The following ARHGAP20 variants were observed in gnomAD, a reference collection of about 807,000 sequenced individuals.
ARHGAP20 encodes rho GTPase-activating protein 20.
Under a neutral mutation model 73.7 loss-of-function variants are expected in ARHGAP20, and 34 were observed. The ratio of observed to expected loss-of-function variants is 0.46; its 90% CI spans 0.35 to 0.61. ARHGAP20 has a LOEUF of 0.61. Ranked by LOEUF, ARHGAP20 falls within the 20% of genes least tolerant of loss-of-function variation. ARHGAP20 has a pLI of 0.00. For synonymous variants in ARHGAP20, 523 were observed against 518.2 expected (o/e 1.01, Z -0.13); for missense variants, 1,314 against 1,420.9 (o/e 0.92, Z 1.21).
intron 1 of ARHGAP20, among the ~76,000 whole-genome samples, chr11:110,708,418 C>T: frequency 6.6e-6 from 1 of 151,260 alleles, no homozygotes; most frequent in Non-Finnish European, 1.5e-5. Flanking sequence ...AAATGAAGTC[C>T]ATGCAAAGAC....
intron 2 of ARHGAP20, among the ~76,000 whole-genome samples, chr11:110,642,355 TG>T (rs1949095133): frequency 6.6e-6 from 1 of 152,148 alleles, no homozygotes; most frequent in African/African-American, 2.4e-5. Flanking sequence ...TGGGCATTCT[TG>T]TCTTGTTCCG....
chr11:110,614,506 T>A (rs1235460012), intron 6 of ARHGAP20, 55 bp downstream of exon 6: 11 of 1,470,404 alleles, frequency 7.5e-6, no homozygotes, highest in Non-Finnish European at 9.5e-6. Context: ...TTATCCGTAG[T>A]GTTCTGTCTT....
At chr11:110,615,701 T>C in intron 4 of ARHGAP20, 107 bp from the exon 5 acceptor site, 2 of 1,003,414 alleles carry the variant, frequency 2.0e-6, no homozygotes, top group South Asian at 2.9e-5. Context: ...CTGTTGTTAC[T>C]AATACAGTTG....
At chr11:110,647,098 C>A (rs1367294766) in intron 2 of ARHGAP20, among the ~76,000 whole-genome samples, 9 of 151,760 alleles carry the variant, frequency 5.9e-5, no homozygotes, top group African/African-American at 2.2e-4. Context: ...TAGTAAGAAG[C>A]AGTTTTATTC....
chr11:110,629,572 A>G (rs906606617), intron 3 of ARHGAP20, among the ~76,000 whole-genome samples: 122 of 152,284 alleles, frequency 8.0e-4, no homozygotes, highest in African/African-American at 2.6e-3. Flanking sequence ...CTCCAAAACT[A>G]TATCTGTAGG....
chr11:110,643,604 A>G (rs193295212), intron 2 of ARHGAP20, among the ~76,000 whole-genome samples: 3 of 151,944 alleles, frequency 2.0e-5, no homozygotes, highest in Admixed American at 6.6e-5. Flanking sequence ...ACTGATTTCT[A>G]TTTTTATTGC....
chr11:110,579,913 G>T lies in ARHGAP20; in HGVS notation c.3033C>A (p.Ser1011Arg). The part of the protein sequence containing the change: ...MPGPSSGQAC[S>R]RPAYTKKDTM... ...TGTCCTTCTTTGTATAGGCTGGGCG[G>T]CTGCAAGCCTGCCCTGATGAGGGAC... The change falls in exon 15 of 15, where the codon AGC becomes AGA. Residue 1011 changes from serine (S) to arginine (R), a missense_variant. This residue lies in a region of ARHGAP20 where 641 missense variants were observed against 636.9 expected (regional missense o/e 1.01). Transcript: ENST00000683387. 6.2e-7 allele frequency: 1 copy of T among 1,614,240 alleles called. No individual in the cohort carries two copies. Among genetic ancestry groups the T allele is most frequent in the Non-Finnish European group, 8.5e-7 (1 of 1,180,052 alleles).
rs142137544 is a variant in ARHGAP20, at chr11:110,600,088, C to G, written c.964+6473G>C. Among the ~76,000 whole-genome samples, 106 of 152,364 alleles carry G rather than the reference C, an allele frequency of 7.0e-4. No homozygotes were observed. In the South Asian group the frequency reaches 0.014, roughly 20 times the overall value. On this transcript the variant is annotated intron_variant, in intron 9 of 14. Transcript: ENST00000683387. The stretch of plus-strand genomic sequence containing the variant: ...GCTCCTCTTCATCTTGCTAACCCTT[C>G]ACTTGTCTGTGTACCTCATTCTTCC...
chr11:110,701,610 G>T (rs369829777), intron 1 of ARHGAP20, among the ~76,000 whole-genome samples: 7 of 151,928 alleles, frequency 4.6e-5, no homozygotes, highest in Non-Finnish European at 7.4e-5. Context: ...GTCAATTTTG[G>T]CTTTTGTTGC....
chr11:110,628,529 T>TC (rs1948793733), intron 3 of ARHGAP20, among the ~76,000 whole-genome samples: 2 of 152,158 alleles, frequency 1.3e-5, no homozygotes, highest in Non-Finnish European at 2.9e-5. Flanking sequence ...ATAATAATAA[T>TC]AATCATCATC....
At chr11:110,600,880 GT>G (rs1423292639) in intron 9 of ARHGAP20, among the ~76,000 whole-genome samples, 3 of 152,156 alleles carry the variant, frequency 2.0e-5, no homozygotes, top group African/African-American at 7.2e-5. Context: ...ATGTATTGCT[GT>G]TATGTTTTCA....
At chr11:110,614,457 T>C (rs1948439159) in intron 6 of ARHGAP20, 104 bp downstream of exon 6, 3 of 1,023,812 alleles carry the variant, frequency 2.9e-6, no homozygotes, top group Non-Finnish European at 4.5e-6. Flanking sequence ...CCATAGCACA[T>C]ACACAGTTAG....
Position 110,690,533 on chromosome 11 carries a change from A to G in ARHGAP20, c.188+14T>C, listed in dbSNP as rs544418312. On this transcript the variant is annotated intron_variant, in intron 2 of 14. Coordinates refer to ENST00000683387, the MANE Select transcript of ARHGAP20 (RefSeq NM_001384657.1). ...AGCACATACTGAATGTGTAATACAA[A>G]GCTTTGCACTTACCTGGTAGTAGGC... The G allele has an allele frequency of 1.2e-6, 2 of 1,608,944 alleles. No individual in the cohort carries two copies. The highest frequency in any genetic ancestry group is 3.3e-5 in the Admixed American group (2 of 59,998).
At chr11:110,624,461 C>A in intron 3 of ARHGAP20, 150 bp from the exon 4 acceptor site, 5 of 517,734 alleles carry the variant, frequency 9.7e-6, no homozygotes, top group African/African-American at 2.0e-5. Flanking sequence ...GAGAGCTGAA[C>A]ATTGAGAACA....
chr11:110,580,226 A>C lies in ARHGAP20; in HGVS notation c.2720T>G (p.Ile907Ser), dbSNP rs575384145. Residue 907 changes from isoleucine (I) to serine (S), a missense_variant, in exon 15 of 15, where the codon ATT (isoleucine) becomes AGT (serine). Ile to Ser is a moderately radical substitution (Grantham distance 142). Coordinates refer to ENST00000683387, the MANE Select transcript of ARHGAP20 (RefSeq NM_001384657.1). The stretch of plus-strand genomic sequence containing the variant: ...TGTGGCACTACTCTTGCCCACCTCA[A>C]TCCCCATGACTAAACTCTGATTAAT... ...KLINQSLVMG[I>S]EVGKSSATNQ... is the part of the protein sequence containing the mutation. 2 of 1,614,190 alleles carry C rather than the reference A, an allele frequency of 1.2e-6. No homozygotes were observed. The highest frequency in any genetic ancestry group is 2.2e-5 in the East Asian group (1 of 44,880).
chr11:110,580,161 G>A lies in ARHGAP20; in HGVS notation c.2785C>T (p.Leu929Phe), dbSNP rs758915435. Residue 929 changes from leucine (L) to phenylalanine (F), a missense_variant, in exon 15 of 15, where the codon CTT becomes TTT. Physicochemically the swap from Leu to Phe is conservative, Grantham distance 22 (BLOSUM62 0). This residue lies in a region of ARHGAP20 where 641 missense variants were observed against 636.9 expected (regional missense o/e 1.01). Coordinates refer to ENST00000683387, the MANE Select transcript of ARHGAP20 (RefSeq NM_001384657.1). ...CTGGAATAGCTGGTCCTTGGGCAAA[G>A]GTTTAATCTTGGGGGTAAAACCTTC... ...TEKVLPPRLN[L>F]CPRTSYSSLS... The A allele has an allele frequency of 8.2e-5, 133 of 1,614,196 alleles. 1 individual carries two copies. In the South Asian group the frequency reaches 1.4e-3, roughly 17 times the overall value.
At chr11:110,628,983 G>A (rs1397955581) in intron 3 of ARHGAP20, among the ~76,000 whole-genome samples, 1 of 151,912 alleles carries the variant, frequency 6.6e-6, no homozygotes, top group East Asian at 1.9e-4. Context: ...ATAACCTCAG[G>A]TAAAAAAACA....
chr11:110,709,925 A>C (rs1950615531), intron 1 of ARHGAP20, among the ~76,000 whole-genome samples: 1 of 152,216 alleles, frequency 6.6e-6, no homozygotes, highest in South Asian at 2.1e-4. Flanking sequence ...GCAAGTTAAG[A>C]CATTTCTGCA....
In ARHGAP20 at chr11:110,583,566, T is replaced by C. The variant is rs372304823; in HGVS notation, c.1587A>G (p.Glu529=). The C allele has an allele frequency of 2.4e-5, 38 of 1,600,798 alleles. No homozygotes were observed. In the African/African-American group the frequency reaches 4.6e-4, roughly 19 times the overall value. Residue 529 remains glutamate (E), a synonymous_variant, in exon 13 of 15, where the codon GAA becomes GAG. Transcript: ENST00000683387. ...WPPASSSPEL[E]NEFTKKVSLL... ...TCATTACCTTTTTTGTAAATTCGTT[T>C]TCTAGTTCTGGGCTGGAGGAAGCAG...
Sources: allele counts gnomAD v4.1 joint callset (sites outside exome capture counted in the v4.1 genomes callset), GRCh38; gene constraint gnomAD v4.1.1; regional missense constraint gnomAD v4.1.1; transcripts MANE v1.5; gene names NCBI Gene and HGNC (gene_info 2026-07-23, HGNC 2026-07-21).